Variants in NR6A1 observed in about 807,000 individuals in gnomAD.
NR6A1 encodes the protein retinoic acid receptor-related testis-associated receptor.
In NR6A1, 7 loss-of-function variants were observed where a neutral mutation model predicts 59.1. The observed-to-expected ratio is 0.12, with a 90% CI of 0.07 to 0.22. The LOEUF is 0.22. NR6A1 is among the 10% of genes least tolerant of loss of function. The probability of loss-of-function intolerance (pLI) is 1.00; values close to 1 mark genes in which losing one functional copy is unlikely to be tolerated. For synonymous variants in NR6A1, 243 were observed against 236.1 expected (o/e 1.03, Z -0.27); for missense variants, 468 against 611.6 (o/e 0.77, Z 2.48).
At chr9:124,585,328 C>A (rs558891469) in intron 2 of NR6A1, among the ~76,000 whole-genome samples, 1 of 152,134 alleles carries the variant, frequency 6.6e-6, no homozygotes, top group Admixed American at 6.5e-5. Flanking sequence ...ATCATGAGGT[C>A]GGGAGATCGA....
chr9:124,572,846 C>A (rs1227328337), intron 2 of NR6A1, among the ~76,000 whole-genome samples: 2 of 152,030 alleles, frequency 1.3e-5, no homozygotes, highest in African/African-American at 4.8e-5. Flanking sequence ...GAAAAGGTCA[C>A]CAGAAATCCT....
At chr9:124,675,656 C>T (rs188885952) in intron 2 of NR6A1, among the ~76,000 whole-genome samples, 99 of 152,336 alleles carry the variant, frequency 6.5e-4, no homozygotes, top group Non-Finnish European at 1.1e-3. Context: ...TGATGAGAAG[C>T]CACTTCCCAT....
rs1838743460 is a variant in NR6A1 at position 124,695,932 on chromosome 9, A to C, written c.142+37376T>G. Among the ~76,000 whole-genome samples the C allele has an allele frequency of 2.0e-5, 3 of 152,308 alleles. No individual in the cohort carries two copies. In the South Asian group the frequency reaches 6.2e-4, roughly 32 times the overall value. Reference sequence around the variant, plus strand: ...ACAATTATATATTTCATTAAACCAAATCCAAGTTTTCTCTTGGATAAAACT... The same window carrying C: ...ACAATTATATATTTCATTAAACCAACTCCAAGTTTTCTCTTGGATAAAACT... On this transcript the variant is annotated intron_variant, in intron 2 of 9. Transcript: ENST00000487099.
intron 2 of NR6A1, among the ~76,000 whole-genome samples, chr9:124,642,742 G>A (rs899198166): frequency 2.0e-5 from 3 of 152,174 alleles, no homozygotes; most frequent in Non-Finnish European, 4.4e-5. Context: ...ATTTGGTGAT[G>A]AAGACAGAAA....
At chr9:124,575,874 C>G (rs1207764798) in intron 2 of NR6A1, among the ~76,000 whole-genome samples, 1 of 152,138 alleles carries the variant, frequency 6.6e-6, no homozygotes, top group African/African-American at 2.4e-5. Flanking sequence ...TCTCAGGATA[C>G]CCATCAGTAA....
intron 2 of NR6A1, among the ~76,000 whole-genome samples, chr9:124,653,255 C>A (rs1409027030): frequency 6.6e-6 from 1 of 151,706 alleles, no homozygotes; most frequent in African/African-American, 2.4e-5. Flanking sequence ...GTGAAATCAA[C>A]TGAGTAGCTT....
chr9:124,668,783 A>AT (rs1336818523), intron 2 of NR6A1, among the ~76,000 whole-genome samples: 5 of 151,936 alleles, frequency 3.3e-5, no homozygotes, highest in Non-Finnish European at 5.9e-5. Context: ...ATTTCTGACA[A>AT]TTTTTTTTGG....
chr9:124,559,818 A>AT (rs922201511), intron 2 of NR6A1, among the ~76,000 whole-genome samples: 6 of 152,100 alleles, frequency 3.9e-5, no homozygotes, highest in African/African-American at 1.2e-4. Context: ...TCCAACTGTG[A>AT]TTTTTTTCCT....
chr9:124,683,047 A>C (rs1838217563), intron 2 of NR6A1, among the ~76,000 whole-genome samples: 1 of 151,946 alleles, frequency 6.6e-6, no homozygotes, highest in South Asian at 2.1e-4. Flanking sequence ...CTCTGCAAAA[A>C]ATTTAAAAAT....
At chr9:124,576,778 C>CTTGT (rs1834609435) in intron 2 of NR6A1, among the ~76,000 whole-genome samples, 1 of 152,158 alleles carries the variant, frequency 6.6e-6, no homozygotes, top group Admixed American at 6.5e-5. Flanking sequence ...TTAGTCTGGG[C>CTTGT]TCAATGGCTC....
intron 2 of NR6A1, among the ~76,000 whole-genome samples, chr9:124,573,081 A>G (rs1458484874): frequency 6.6e-6 from 1 of 152,340 alleles, no homozygotes; most frequent in Non-Finnish European, 1.5e-5. Context: ...CCAACTTCTA[A>G]TATCTTCACA....
intron 4 of NR6A1, among the ~76,000 whole-genome samples, chr9:124,542,539 T>G (rs1054628101): frequency 6.6e-6 from 1 of 152,216 alleles, no homozygotes; most frequent in African/African-American, 2.4e-5. Context: ...ATCTCTTGCC[T>G]GTACTTCTGT....
intron 7 of NR6A1, among the ~76,000 whole-genome samples, chr9:124,527,732 G>A (rs747033031): frequency 6.6e-6 from 1 of 152,264 alleles, no homozygotes; most frequent in South Asian, 2.1e-4. Context: ...GTGGCTCAAA[G>A]CCCCCATGCT....
At chr9:124,762,163 C>T (rs1840800453) in intron 1 of NR6A1, among the ~76,000 whole-genome samples, 1 of 152,000 alleles carries the variant, frequency 6.6e-6, no homozygotes. Flanking sequence ...CTTCAGGATC[C>T]CTTTTACACT....
intron 1 of NR6A1, among the ~76,000 whole-genome samples, chr9:124,736,080 T>A (rs905659087): frequency 6.6e-6 from 1 of 152,150 alleles, no homozygotes; most frequent in Admixed American, 6.5e-5. Flanking sequence ...AGAATAAGCA[T>A]TCACTTCATG....
chr9:124,656,875 G>A (rs1837276419), intron 2 of NR6A1, among the ~76,000 whole-genome samples: 1 of 152,108 alleles, frequency 6.6e-6, no homozygotes, highest in Admixed American at 6.6e-5. Flanking sequence ...TAGAATGATG[G>A]TTGTCCCCAG....
chr9:124,684,980 G>A lies in NR6A1; in HGVS notation c.142+48328C>T, dbSNP rs139597985. On this transcript the variant is annotated intron_variant, in intron 2 of 9. Transcript: ENST00000487099. ...CATCTATCTTGCAGATGGCCAATAGGAAACTTCTGCAAAAAAAAAAAAATT... is the reference window on the plus strand; with the variant it reads ...CATCTATCTTGCAGATGGCCAATAGAAAACTTCTGCAAAAAAAAAAAAATT... Among the ~76,000 whole-genome samples, 703 of 149,888 alleles carry A rather than the reference G, an allele frequency of 4.7e-3. 6 individuals carry two copies. The highest frequency in any genetic ancestry group is 0.016 in the African/African-American group (657 of 40,900).
intron 1 of NR6A1, among the ~76,000 whole-genome samples, chr9:124,749,599 G>A (rs1053662163): frequency 2.0e-5 from 3 of 151,986 alleles, no homozygotes; most frequent in Non-Finnish European, 4.4e-5. Flanking sequence ...TGCCCAGGCT[G>A]TAGTGCAGTG....
At chr9:124,629,201 G>A (rs1357666522) in intron 2 of NR6A1, among the ~76,000 whole-genome samples, 1 of 152,002 alleles carries the variant, frequency 6.6e-6, no homozygotes, top group Non-Finnish European at 1.5e-5. Context: ...AACAATCAAG[G>A]GCAGGAACCT....
Sources: gnomAD v4.1 joint callset for allele counts (sites outside exome capture counted in the v4.1 genomes callset) on GRCh38, gnomAD v4.1.1 for gene constraint, MANE v1.5 for transcripts, NCBI Gene and HGNC (gene_info 2026-07-23, HGNC 2026-07-21) for gene names.